The following CYP4A22 variants were observed in gnomAD, a reference collection of about 807,000 sequenced individuals.
CYP4A22 encodes cytochrome P450 4A22.
A neutral mutation model predicts 56.2 loss-of-function variants in CYP4A22; 46 were observed. The observed-to-expected ratio is 0.82, with a 90% CI of 0.65 to 1.05. CYP4A22 has a LOEUF of 1.05. Ranked by LOEUF, CYP4A22 falls within the 50% of genes least tolerant of loss-of-function variation. The pLI, the probability that CYP4A22 is intolerant of heterozygous loss-of-function variation, is 0.00. For missense variants in CYP4A22, 541 were observed against 645.9 expected, an observed-to-expected ratio of 0.84 and a Z score of 1.76; for synonymous variants, 193 against 251.1, an observed-to-expected ratio of 0.77 and a Z score of 2.19.
In CYP4A22 at chr1:47,140,507, T is replaced by C. The variant is rs187766618; in HGVS notation, c.196-273T>C. On this transcript the variant is annotated intron_variant, in intron 1 of 11. Transcript: ENST00000371891. ...GAGTTATGCACATTGCCCAAGGAAA[T>C]TGTTGTATTTATGACTTCCAGAGAT... 4.0e-4 allele frequency among the ~76,000 whole-genome samples: 61 copies of C among 152,306 alleles called. No homozygotes were observed. In the East Asian group the frequency reaches 0.011, roughly 26 times the overall value.
chr1:47,142,252 C>T lies in CYP4A22; in HGVS notation c.510+17C>T, dbSNP rs756628501. 3.8e-6 allele frequency: 6 copies of T among 1,582,600 alleles called. No individual in the cohort carries two copies. Among genetic ancestry groups the T allele is most frequent in the Non-Finnish European group, 5.2e-6 (6 of 1,163,298 alleles). On this transcript the variant is annotated intron_variant, in intron 4 of 11. Coordinates refer to ENST00000371891, the MANE Select transcript of CYP4A22 (RefSeq NM_001010969.4). Reference sequence around the variant, plus strand: ...GTGATGCTGGTGAGTCCATGTCTCTCTCCTCTCCCCACACCCACTCACAGC... The same window carrying T: ...GTGATGCTGGTGAGTCCATGTCTCTTTCCTCTCCCCACACCCACTCACAGC...
chr1:47,142,444 C>T (rs1276103397), intron 4 of CYP4A22, among the ~76,000 whole-genome samples: 1 of 152,196 alleles, frequency 6.6e-6, no homozygotes, highest in Admixed American at 6.5e-5. Context: ...ACTTTGTTCC[C>T]CACCATAGGA....
At chr1:47,137,894 A>G (rs1039783769) in intron 1 of CYP4A22, among the ~76,000 whole-genome samples, 12 of 152,128 alleles carry the variant, frequency 7.9e-5, no homozygotes, top group East Asian at 3.9e-4. Context: ...TCTATCACAC[A>G]TGCCCTCCTT....
intron 5 of CYP4A22, 59 bp downstream of exon 5, chr1:47,143,452 C>A (rs1231147402): frequency 9.2e-6 from 14 of 1,517,320 alleles, no homozygotes; most frequent in Non-Finnish European, 1.2e-5. Context: ...GTGCACATAC[C>A]TGAGGGGCAG....
chr1:47,142,213 C>A lies in CYP4A22; in HGVS notation c.488C>A (p.Ala163Glu). The change falls in exon 4 of 12, where the codon GCA becomes GAA. Residue 163 changes from alanine to glutamate, a missense_variant. Around this residue, in one of 3 missense-constraint regions of CYP4A22, gnomAD observed 335 missense variants for 361.2 expected, o/e 0.93. Coordinates refer to ENST00000371891, the MANE Select transcript of CYP4A22 (RefSeq NM_001010969.4). Reference sequence around the variant, plus strand: ...CTGAAGCCATACGTGGGGCTCATGGCAGACTCTGTACGAGTGATGCTGGTG... The same window carrying A: ...CTGAAGCCATACGTGGGGCTCATGGAAGACTCTGTACGAGTGATGCTGGTG... ...DILKPYVGLM[A>E]DSVRVMLDKW... 1 of 1,612,380 alleles carries A rather than the reference C, an allele frequency of 6.2e-7. No homozygotes were observed. The highest frequency in any genetic ancestry group is 1.1e-5 in the South Asian group (1 of 90,738).
chr1:47,147,860 C>T (rs1404388091), intron 11 of CYP4A22, among the ~76,000 whole-genome samples: 2 of 152,070 alleles, frequency 1.3e-5, no homozygotes, highest in East Asian at 1.9e-4. Context: ...TGATGAAGAG[C>T]GTGGGAGGGT....
In CYP4A22 at chr1:47,142,960, T is replaced by G. The variant is rs115794591; in HGVS notation, c.511-309T>G. On this transcript the variant is annotated intron_variant, in intron 4 of 11. Coordinates refer to ENST00000371891, the MANE Select transcript of CYP4A22 (RefSeq NM_001010969.4). The stretch of plus-strand genomic sequence containing the variant: ...CCCATTATTTATCCCAGAACAACAA[T>G]AACAACAAAATTTTCACAAGCATAT... Among the ~76,000 whole-genome samples, 482 of 152,264 alleles carry G rather than the reference T, an allele frequency of 3.2e-3. 3 individuals are homozygous for G. The highest frequency in any genetic ancestry group is 0.011 in the African/African-American group (460 of 41,542).
intron 5 of CYP4A22, 116 bp downstream of exon 5, chr1:47,143,509 C>T (rs1197540400): frequency 6.7e-7 from 1 of 1,500,678 alleles, no homozygotes; most frequent in Non-Finnish European, 8.9e-7. Context: ...AGAGTCAGTC[C>T]CTGACCAAAC....
intron 1 of CYP4A22, among the ~76,000 whole-genome samples, chr1:47,140,041 G>T (rs1300062890): frequency 6.6e-6 from 1 of 152,212 alleles, no homozygotes; most frequent in Non-Finnish European, 1.5e-5. Context: ...AGGGCTGGAG[G>T]CAAGAAAAGA....
intron 11 of CYP4A22, chr1:47,147,283 G>A (rs1645087074): frequency 2.7e-5 from 27 of 985,194 alleles, no homozygotes; most frequent in Middle Eastern, 5.2e-4. Flanking sequence ...CTAGAGAACC[G>A]GAGAGCATTC....
intron 1 of CYP4A22, among the ~76,000 whole-genome samples, chr1:47,139,204 G>C (rs928928436): frequency 6.6e-6 from 1 of 152,190 alleles, no homozygotes; most frequent in African/African-American, 2.4e-5. Flanking sequence ...CCAGCACCAA[G>C]CTACCTTCTT....
At chr1:47,143,170 A>G in intron 4 of CYP4A22, 99 bp from the exon 5 acceptor site, 1 of 1,533,458 alleles carries the variant, frequency 6.5e-7, no homozygotes. Context: ...TGCAAGCTAC[A>G]GGAAAAAACA....
Position 47,145,923 on chromosome 1 carries a change from A to G in CYP4A22, c.1280A>G (p.Asn427Ser), listed in dbSNP as rs143777632. ...GLHHNPKVWP[N>S]LEVFDPSRFA... is the part of the protein sequence containing the mutation. ...CACCACAACCCAAAAGTGTGGCCCA[A>G]CCTAGAGGTATGTGGTCCTTGAGAG... The change falls in exon 10 of 12, where the codon AAC (asparagine) becomes AGC (serine). Residue 427 changes from asparagine (N) to serine (S), a missense_variant. Asn to Ser is a conservative substitution (Grantham distance 46). This residue lies in a region of CYP4A22 where 204 missense variants were observed against 258.9 expected (regional missense o/e 0.79). Transcript: ENST00000371891. The G allele has an allele frequency of 6.0e-5, 97 of 1,613,946 alleles. No individual in the cohort carries two copies. The highest frequency in any genetic ancestry group is 7.9e-5 in the Non-Finnish European group (93 of 1,180,006).
intron 6 of CYP4A22, 115 bp downstream of exon 6, chr1:47,144,031 G>A (rs1480514725): frequency 6.7e-7 from 1 of 1,496,122 alleles, no homozygotes; most frequent in Non-Finnish European, 8.9e-7. Flanking sequence ...AACACACTCA[G>A]CCTGGGGAAT....
chr1:47,143,592 G>A (rs542479737), intron 5 of CYP4A22, among the ~76,000 whole-genome samples, 170 bp from the exon 6 acceptor site: 109 of 152,184 alleles, frequency 7.2e-4, no homozygotes, highest in Non-Finnish European at 1.4e-3. Context: ...GACCCTGGAT[G>A]TTCATACCAT....
At position 47,138,129 on chromosome 1, in the gene CYP4A22, A is replaced by G. The variant is rs376782099; in HGVS notation, c.195+449A>G. Among the ~76,000 whole-genome samples, 9 of 152,296 alleles carry G rather than the reference A, an allele frequency of 5.9e-5. No homozygotes were observed. In the South Asian group the frequency reaches 1.0e-3, roughly 18 times the overall value. ...GCCATGAGGAGTTCATGGTCTGTGA[A>G]GAATACAGGCAGGAATTTGAGAAGG... On this transcript the variant is annotated intron_variant, in intron 1 of 11. Coordinates refer to ENST00000371891, the MANE Select transcript of CYP4A22 (RefSeq NM_001010969.4).
chr1:47,142,169 A>G lies in CYP4A22; in HGVS notation c.444A>G (p.Pro148=), dbSNP rs1176908972. 3 of 1,613,836 alleles carry G rather than the reference A, an allele frequency of 1.9e-6. No individual in the cohort carries two copies. The highest frequency in any genetic ancestry group is 2.5e-6 in the Non-Finnish European group (3 of 1,179,944). ...TWFQHRRMLT[P]AFHNDILKPY... is the part of the protein sequence containing the mutation. ...TCCAGCATCGACGGATGCTGACCCCAGCCTTCCACAATGACATCCTGAAGC... is the reference window on the plus strand; with the variant it reads ...TCCAGCATCGACGGATGCTGACCCCGGCCTTCCACAATGACATCCTGAAGC... Residue 148 remains proline (P), a synonymous_variant, in exon 4 of 12, where the codon CCA becomes CCG. Coordinates refer to ENST00000371891, the MANE Select transcript of CYP4A22 (RefSeq NM_001010969.4).
chr1:47,145,087 C>T (rs2405597), intron 9 of CYP4A22, 117 bp downstream of exon 9: 2 of 1,458,126 alleles, frequency 1.4e-6, no homozygotes, highest in Non-Finnish European at 1.8e-6. Context: ...GTTCTAAAAA[C>T]ATCAAAAACA....
At chr1:47,147,133 T>C in intron 11 of CYP4A22, 1 of 985,440 alleles carries the variant, frequency 1.0e-6, no homozygotes, top group South Asian at 4.7e-5. Context: ...AAAGAAATAA[T>C]TATGTGACTT....
Sources: allele counts gnomAD v4.1 joint callset (sites outside exome capture counted in the v4.1 genomes callset), GRCh38; gene constraint gnomAD v4.1.1; regional missense constraint gnomAD v4.1.1; transcripts MANE v1.5; gene names NCBI Gene and HGNC (gene_info 2026-07-23, HGNC 2026-07-21).